Variants in TOGARAM1 observed in about 807,000 individuals in gnomAD.
TOGARAM1 encodes TOG array regulator of axonemal microtubules protein 1.
A neutral mutation model predicts 166.6 loss-of-function variants in TOGARAM1; 100 were observed. That is an observed-to-expected ratio of 0.60 (90% CI 0.51 to 0.71). TOGARAM1 has a LOEUF of 0.71. Among genes scored for constraint, TOGARAM1 ranks in the 30% least tolerant of loss-of-function variants. TOGARAM1 has a pLI of 0.00. For missense variants in TOGARAM1, 2,029 were observed against 2,102.7 expected (o/e 0.96, Z 0.69); for synonymous variants, 758 against 763.8 (o/e 0.99, Z 0.13).
intron 1 of TOGARAM1, among the ~76,000 whole-genome samples, chr14:44,973,241 C>CT (rs143015273): frequency 0.031 from 4,647 of 150,956 alleles, 233 homozygotes; most frequent in African/African-American, 0.11. Flanking sequence ...GCTGCTGCTC[C>CT]TTTTTTTTTA....
intron 7 of TOGARAM1, among the ~76,000 whole-genome samples, chr14:45,014,261 G>T (rs575475084): frequency 8.0e-4 from 122 of 152,060 alleles, no homozygotes; most frequent in African/African-American, 2.9e-3. Flanking sequence ...TAGCCAGGAT[G>T]GTCATGATCC....
chr14:45,007,671 TC>T (rs1879538571), intron 5 of TOGARAM1: 1 of 152,152 alleles, frequency 6.6e-6, no homozygotes, highest in African/African-American at 2.4e-5. Context: ...ATATGACACT[TC>T]CTATTTATTA....
At chr14:45,009,209 A>T in intron 6 of TOGARAM1, 64 bp downstream of exon 6, 1 of 1,184,120 alleles carries the variant, frequency 8.4e-7, no homozygotes. Flanking sequence ...GAGCCCTAAT[A>T]TCATATTTGT....
At chr14:45,038,755 G>A (rs1040410741) in intron 11 of TOGARAM1, among the ~76,000 whole-genome samples, 2 of 152,170 alleles carry the variant, frequency 1.3e-5, no homozygotes, top group Admixed American at 1.3e-4. Flanking sequence ...GATTGGGGTT[G>A]GGGGAGATTT....
intron 5 of TOGARAM1, 35 bp from the exon 6 acceptor site, chr14:45,008,878 A>G (rs765680766): frequency 2.0e-6 from 3 of 1,526,164 alleles, no homozygotes; most frequent in Non-Finnish European, 2.7e-6. Flanking sequence ...TAAGGAATTT[A>G]TGTTATAAAG....
At chr14:44,987,859 T>C (rs1166308129) in intron 1 of TOGARAM1, among the ~76,000 whole-genome samples, 1 of 149,336 alleles carries the variant, frequency 6.7e-6, no homozygotes, top group East Asian at 2.0e-4. Flanking sequence ...CCAACCCAAA[T>C]GTCCAACAAT....
chr14:45,059,359 C>T (rs559554912), intron 16 of TOGARAM1, among the ~76,000 whole-genome samples: 9 of 152,238 alleles, frequency 5.9e-5, no homozygotes, highest in African/African-American at 2.2e-4. Flanking sequence ...ATATTTTAAA[C>T]ACTATTGGCT....
At chr14:45,023,638 T>G (rs1880654468) in intron 7 of TOGARAM1, among the ~76,000 whole-genome samples, 1 of 152,146 alleles carries the variant, frequency 6.6e-6, no homozygotes, top group Non-Finnish European at 1.5e-5. Context: ...CCTAGAGCTA[T>G]TCCCATTTTT....
At chr14:45,023,215 G>T (rs1880628026) in intron 7 of TOGARAM1, among the ~76,000 whole-genome samples, 1 of 152,118 alleles carries the variant, frequency 6.6e-6, no homozygotes, top group African/African-American at 2.4e-5. Context: ...CCTCTAGAAG[G>T]TCCCCTCGAG....
In TOGARAM1 at chr14:45,027,365, A is replaced by G. The variant is rs1389068978; in HGVS notation, c.3395A>G (p.Asn1132Ser). 6.2e-7 allele frequency: 1 copy of G among 1,613,798 alleles called. No homozygotes were observed. Among genetic ancestry groups the G allele is most frequent in the East Asian group, 2.2e-5 (1 of 44,820 alleles). ...CAATCAGTGATATCTTCTGTGGAAA[A>G]TGGGGATACATTTTCAATTAAACAA... is the stretch of plus-strand genomic sequence containing the variant. Reference protein sequence around the residue: ...CSQSVISSVENGDTFSIKQSI... With the variant: ...CSQSVISSVESGDTFSIKQSI... Residue 1132 changes from asparagine (N) to serine (S), a missense_variant, in exon 9 of 20, where the codon AAT becomes AGT. This residue lies in a region of TOGARAM1 where 1,453 missense variants were observed against 1,432.2 expected (regional missense o/e 1.01). Transcript: ENST00000361462.
At chr14:45,066,186 A>G (rs1460516418) in intron 16 of TOGARAM1, among the ~76,000 whole-genome samples, 2 of 152,126 alleles carry the variant, frequency 1.3e-5, no homozygotes, top group African/African-American at 2.4e-5. Context: ...AACATTTCAC[A>G]TATGTTGTCA....
At chr14:44,983,234 A>G (rs1272818161) in intron 1 of TOGARAM1, among the ~76,000 whole-genome samples, 1 of 152,206 alleles carries the variant, frequency 6.6e-6, no homozygotes, top group African/African-American at 2.4e-5. Flanking sequence ...GGTCAAGAAC[A>G]CAAGTATAGA....
Position 44,965,927 on chromosome 14 carries a change from C to T in TOGARAM1, c.2046+1460C>T, listed in dbSNP as rs553436074. 2.0e-4 allele frequency among the ~76,000 whole-genome samples: 28 copies of T among 140,772 alleles called. No homozygotes were observed. The South Asian group carries it at 5.8e-3, about 29-fold the overall frequency. 92.4% of individuals were successfully genotyped at this position (140,772 alleles called of 152,430 possible). ...TCTCGCCCTGTTGCCCAGGCTGGAGCGCAATGGCGCAATCTCAGCTCACTG... is the reference window on the plus strand; with the variant it reads ...TCTCGCCCTGTTGCCCAGGCTGGAGTGCAATGGCGCAATCTCAGCTCACTG... On this transcript the variant is annotated intron_variant, in intron 1 of 19. Transcript: ENST00000361462.
intron 14 of TOGARAM1, among the ~76,000 whole-genome samples, chr14:45,047,237 A>G (rs867004233): frequency 3.4e-4 from 51 of 151,854 alleles, no homozygotes; most frequent in African/African-American, 1.2e-3. Flanking sequence ...TAAAAATACA[A>G]TAAAATTAGC....
At position 45,009,047 on chromosome 14, in the gene TOGARAM1, TTCC is replaced by T. The variant is rs1451615951; in HGVS notation, c.3042_3044del (p.Ser1015del). 1 of 1,614,112 alleles carries T rather than the reference TTCC, an allele frequency of 6.2e-7. No individual in the cohort carries two copies. Among genetic ancestry groups the T allele is most frequent in the Admixed American group, 1.7e-5 (1 of 60,016 alleles). ...TGACGATGGACTCCCCGTCTCTGTCTTCCTCACCAAACATCAATTCTTACAGTG... is the reference window on the plus strand; with the variant it reads ...TGACGATGGACTCCCCGTCTCTGTCTTCACCAAACATCAATTCTTACAGTG... On this transcript the variant is annotated inframe_deletion, in exon 6 of 20. Coordinates refer to ENST00000361462, the MANE Select transcript of TOGARAM1 (RefSeq NM_001308120.2).
chr14:44,963,709 C>G lies in TOGARAM1; in HGVS notation c.1288C>G (p.Gln430Glu). The stretch of plus-strand genomic sequence containing the variant: ...GGTTATTCGCCTTGGAGAGCAGGTA[C>G]AGCAGTTCTTGGGACCAGTTATAGC... ...LLVIRLGEQV[Q>E]QFLGPVIAAS... The change falls in exon 1 of 20, where the codon CAG becomes GAG. Residue 430 changes from glutamine to glutamate, a missense_variant. Transcript: ENST00000361462. 1 of 1,613,954 alleles carries G rather than the reference C, an allele frequency of 6.2e-7. No homozygotes were observed. Among genetic ancestry groups the G allele is most frequent in the African/African-American group, 1.3e-5 (1 of 75,058 alleles).
In TOGARAM1 at chr14:44,963,404, C is replaced by T; in HGVS notation, c.983C>T (p.Ser328Phe). The T allele has an allele frequency of 1.2e-6, 2 of 1,614,198 alleles. No homozygotes were observed. The highest frequency in any genetic ancestry group is 1.7e-6 in the Non-Finnish European group (2 of 1,180,040). ...QVPYYLELEA[S>F]GFPEDPLPCA... is the part of the protein sequence containing the mutation. ...CCTTATTATTTGGAACTTGAAGCCT[C>T]TGGATTTCCTGAAGATCCCCTTCCC... is the stretch of plus-strand genomic sequence containing the variant. The change falls in exon 1 of 20, where the codon TCT becomes TTT. Residue 328 changes from serine to phenylalanine, a missense_variant. Ser to Phe is a radical substitution (Grantham distance 155). Around this residue, in one of 2 missense-constraint regions of TOGARAM1, gnomAD observed 1,453 missense variants for 1,432.2 expected, o/e 1.01. Transcript: ENST00000361462.
At chr14:45,047,391 C>CAAAA (rs534465853) in intron 14 of TOGARAM1, among the ~76,000 whole-genome samples, 1 of 85,666 alleles carries the variant, frequency 1.2e-5, no homozygotes, top group Non-Finnish European at 2.4e-5. Context: ...GACTCTGTCT[C>CAAAA]AAAAAAAAAA....
rs755353871 is a variant in TOGARAM1 at position 44,962,435 on chromosome 14, C to G, written c.14C>G (p.Pro5Arg). 8.3e-6 allele frequency: 13 copies of G among 1,566,548 alleles called. No individual in the cohort carries two copies. The Admixed American group carries it at 1.3e-4, about 15-fold the overall frequency. The change falls in exon 1 of 20, where the codon CCC becomes CGC. Residue 5 changes from proline to arginine, a missense_variant. By Grantham distance (103) the Pro-to-Arg change is moderately radical. Around this residue, in one of 2 missense-constraint regions of TOGARAM1, gnomAD observed 1,453 missense variants for 1,432.2 expected, o/e 1.01. Coordinates refer to ENST00000361462, the MANE Select transcript of TOGARAM1 (RefSeq NM_001308120.2). MAAA[P>R]SALLLLPPFP... is the part of the protein sequence containing the mutation. ...TGACAACCCTGCATGGCGGCTGCCC[C>G]CTCCGCGCTGCTTCTGCTGCCGCCC...
Sources: gnomAD v4.1 joint callset for allele counts (sites outside exome capture counted in the v4.1 genomes callset) on GRCh38, gnomAD v4.1.1 for gene constraint, gnomAD v4.1.1 regional missense constraint, MANE v1.5 for transcripts, NCBI Gene and HGNC (gene_info 2026-07-23, HGNC 2026-07-21) for gene names.